The following DCDC2 variants were observed in gnomAD, a reference collection of about 807,000 sequenced individuals.
DCDC2 encodes the protein doublecortin domain containing 2.
In DCDC2, 40 loss-of-function variants were observed where a neutral mutation model predicts 50.2. The ratio of observed to expected loss-of-function variants is 0.80; its 90% CI spans 0.62 to 1.04. DCDC2 has a LOEUF of 1.04. DCDC2 is among the 50% of genes least tolerant of loss of function. DCDC2 has a pLI of 0.00. For synonymous variants in DCDC2, 234 were observed against 210.6 expected, an observed-to-expected ratio of 1.11 and a Z score of -0.96; for missense variants, 570 against 581.9, an observed-to-expected ratio of 0.98 and a Z score of 0.21.
intron 2 of DCDC2, among the ~76,000 whole-genome samples, chr6:24,305,797 G>GC (rs1759460528): frequency 6.7e-6 from 1 of 149,740 alleles, no homozygotes; most frequent in Non-Finnish European, 1.5e-5. Flanking sequence ...GAGGCCAAGG[G>GC]GGGGTGGATC....
chr6:24,350,519 G>A (rs1190578737), intron 2 of DCDC2, among the ~76,000 whole-genome samples: 1 of 152,066 alleles, frequency 6.6e-6, no homozygotes, highest in Non-Finnish European at 1.5e-5. Context: ...CTGGGGTGGT[G>A]GCTTTTATTA....
intron 7 of DCDC2, among the ~76,000 whole-genome samples, chr6:24,242,940 A>C (rs542730084): frequency 6.7e-6 from 1 of 149,184 alleles, no homozygotes; most frequent in South Asian, 2.2e-4. Context: ...CCAGCCTGGG[A>C]AACAGAGCAA....
At chr6:24,189,436 C>A (rs910245298) in intron 8 of DCDC2, among the ~76,000 whole-genome samples, 21 of 152,124 alleles carry the variant, frequency 1.4e-4, no homozygotes, top group African/African-American at 5.1e-4. Flanking sequence ...GATGGGGCTG[C>A]CCAAATGACT....
At chr6:24,352,229 T>C (rs1760386980) in intron 2 of DCDC2, among the ~76,000 whole-genome samples, 1 of 152,248 alleles carries the variant, frequency 6.6e-6, no homozygotes, top group Non-Finnish European at 1.5e-5. Flanking sequence ...CTCACATTTT[T>C]TGGGAATTCA....
intron 7 of DCDC2, among the ~76,000 whole-genome samples, chr6:24,238,996 G>A (rs529384993): frequency 9.2e-5 from 14 of 152,196 alleles, no homozygotes; most frequent in South Asian, 2.1e-4. Context: ...TATGACATGC[G>A]TAATCTAACG....
At chr6:24,233,784 G>C (rs1762383102) in intron 7 of DCDC2, among the ~76,000 whole-genome samples, 1 of 152,250 alleles carries the variant, frequency 6.6e-6, no homozygotes, top group South Asian at 2.1e-4. Flanking sequence ...TATAATATTT[G>C]CATTTCAACA....
intron 7 of DCDC2, among the ~76,000 whole-genome samples, chr6:24,256,527 T>C (rs1420416805): frequency 3.9e-5 from 6 of 152,148 alleles, no homozygotes; most frequent in Non-Finnish European, 5.9e-5. Flanking sequence ...AACAGCTGGA[T>C]GCTCAGATGA....
chr6:24,179,682 C>T (rs562828644), intron 8 of DCDC2, among the ~76,000 whole-genome samples: 8 of 139,556 alleles, frequency 5.7e-5, no homozygotes, highest in Admixed American at 7.2e-5. Flanking sequence ...AGGCCAGGCA[C>T]GGTGGCTTAT....
intron 8 of DCDC2, among the ~76,000 whole-genome samples, chr6:24,194,294 T>C (rs769860463): frequency 1.3e-4 from 20 of 152,184 alleles, no homozygotes; most frequent in Non-Finnish European, 2.1e-4. Flanking sequence ...AAATAGTATA[T>C]ATCACAACCT....
intron 7 of DCDC2, among the ~76,000 whole-genome samples, chr6:24,234,747 T>C (rs1323627564): frequency 1.3e-5 from 2 of 152,142 alleles, no homozygotes; most frequent in Non-Finnish European, 2.9e-5. Context: ...AGAAGACAGT[T>C]TAGTTTTAGG....
At chr6:24,325,451 G>C (rs1759842645) in intron 2 of DCDC2, among the ~76,000 whole-genome samples, 1 of 149,592 alleles carries the variant, frequency 6.7e-6, no homozygotes, top group African/African-American at 2.4e-5. Flanking sequence ...GGGGGTTATT[G>C]TCTTCTCTAA....
In DCDC2 at chr6:24,289,971, CTTTTTTTTTTTT is replaced by C. The variant is rs3077132; in HGVS notation, c.704+949_704+960del. On this transcript the variant is annotated intron_variant, in intron 5 of 9. Coordinates refer to ENST00000378454, the MANE Select transcript of DCDC2 (RefSeq NM_016356.5). ...TCCTGCAGCATGGGCCAGAGCTCTT[CTTTTTTTTTTTT>C]TTTTTTTTTTTTTTTTTTTTTTTTT... Among the ~76,000 whole-genome samples, 136 of 61,040 alleles carry C rather than the reference CTTTTTTTTTTTT, an allele frequency of 2.2e-3. 23 individuals are homozygous for C. Among genetic ancestry groups the C allele is most frequent in the African/African-American group, 6.3e-3 (121 of 19,310 alleles). 40.0% of individuals were successfully genotyped at this position (61,040 alleles called of 152,430 possible). A position where few individuals can be genotyped will look rare whatever the true frequency, so the allele number is the denominator to read the frequency against.
chr6:24,301,856 A>C lies in DCDC2; in HGVS notation c.426-10T>G, dbSNP rs777467996. ...TCCATTTGCAATCAAGCTGGAAAAC[A>C]GGGGGCAAACCTTCTGAAACAGTTA... On this transcript the variant is annotated splice_polypyrimidine_tract_variant and intron_variant, in intron 3 of 9. Transcript: ENST00000378454. 1 of 1,614,188 alleles carries C rather than the reference A, an allele frequency of 6.2e-7. No homozygotes were observed. Among genetic ancestry groups the C allele is most frequent in the Non-Finnish European group, 8.5e-7 (1 of 1,180,032 alleles).
chr6:24,221,325 T>C (rs563612382), intron 7 of DCDC2, among the ~76,000 whole-genome samples: 1 of 152,284 alleles, frequency 6.6e-6, no homozygotes, highest in East Asian at 1.9e-4. Flanking sequence ...GGACTCGTGA[T>C]GTCTGCTCAC....
chr6:24,184,625 G>C (rs964944332), intron 8 of DCDC2, among the ~76,000 whole-genome samples: 1 of 151,970 alleles, frequency 6.6e-6, no homozygotes, highest in African/African-American at 2.4e-5. Flanking sequence ...AATATTTTGG[G>C]AATTTCTATC....
At chr6:24,241,702 A>G (rs1042879394) in intron 7 of DCDC2, among the ~76,000 whole-genome samples, 4 of 152,226 alleles carry the variant, frequency 2.6e-5, no homozygotes, top group Non-Finnish European at 5.9e-5. Context: ...GAGTAATCTC[A>G]AAAGATCTTA....
At chr6:24,229,346 ATC>A (rs1319425811) in intron 7 of DCDC2, among the ~76,000 whole-genome samples, 1 of 152,098 alleles carries the variant, frequency 6.6e-6, no homozygotes, top group Non-Finnish European at 1.5e-5. Context: ...TTTTTACATT[ATC>A]TCTCTGCTTC....
At chr6:24,297,653 T>A (rs1275067379) in intron 4 of DCDC2, among the ~76,000 whole-genome samples, 1 of 152,156 alleles carries the variant, frequency 6.6e-6, no homozygotes, top group Non-Finnish European at 1.5e-5. Flanking sequence ...TTTTTATTAC[T>A]TATAGGGTGG....
At chr6:24,244,003 A>G (rs948846714) in intron 7 of DCDC2, among the ~76,000 whole-genome samples, 1 of 152,212 alleles carries the variant, frequency 6.6e-6, no homozygotes, top group African/African-American at 2.4e-5. Context: ...TCTTCAATGC[A>G]CATTAATAAG....
Sources: gnomAD v4.1 joint callset for allele counts (sites outside exome capture counted in the v4.1 genomes callset) on GRCh38, gnomAD v4.1.1 for gene constraint, MANE v1.5 for transcripts, NCBI Gene and HGNC (gene_info 2026-07-23, HGNC 2026-07-21) for gene names.